The following PLBD1 variants were observed in gnomAD, a reference collection of about 807,000 sequenced individuals.
The protein encoded by PLBD1 is phospholipase B domain containing 1, also known as lysosomal leucine aminopeptidase.
Under a neutral mutation model 63.0 loss-of-function variants are expected in PLBD1, and 60 were observed. The observed-to-expected ratio is 0.95, with a 90% CI of 0.77 to 1.18. The LOEUF is 1.18. Ranked by LOEUF, PLBD1 falls within the 50% of genes most tolerant of loss-of-function variation. The pLI, the probability that PLBD1 is intolerant of heterozygous loss-of-function variation, is 0.00. For synonymous variants in PLBD1, 262 were observed against 248.0 expected, an observed-to-expected ratio of 1.06 and a Z score of -0.53; for missense variants, 598 against 677.9, an observed-to-expected ratio of 0.88 and a Z score of 1.31.
chr12:14,507,150 G>T (rs780166103), intron 8 of PLBD1, 32 bp from the exon 9 acceptor site: 1 of 1,491,846 alleles, frequency 6.7e-7, no homozygotes, highest in South Asian at 1.2e-5. Context: ...GTAAGGGAGG[G>T]ATTGACAGGG....
chr12:14,530,309 T>C (rs915893217), intron 6 of PLBD1: 1 of 152,190 alleles, frequency 6.6e-6, no homozygotes, highest in Non-Finnish European at 1.5e-5. Flanking sequence ...CCCTCAGTCA[T>C]TGAGTCTTCC....
At chr12:14,519,618 TA>T (rs77006344) in intron 6 of PLBD1, among the ~76,000 whole-genome samples, 1,722 of 115,462 alleles carry the variant, frequency 0.015, 7 homozygotes, top group Middle Eastern at 0.049. Context: ...GACATCATCT[TA>T]AAAAAAAAAA....
intron 6 of PLBD1, among the ~76,000 whole-genome samples, chr12:14,514,069 G>A (rs920402370): frequency 5.3e-5 from 8 of 152,116 alleles, no homozygotes; most frequent in East Asian, 1.9e-4. Flanking sequence ...GTGAGCCACC[G>A]TGCCCGGCCC....
intron 2 of PLBD1, among the ~76,000 whole-genome samples, chr12:14,550,845 T>A (rs529729252): frequency 3.3e-5 from 5 of 151,104 alleles, no homozygotes; most frequent in Admixed American, 2.6e-4. Flanking sequence ...GCCATCGCAC[T>A]CTAGCCTGGG....
At chr12:14,564,971 T>C (rs904944030) in intron 1 of PLBD1, among the ~76,000 whole-genome samples, 2 of 152,220 alleles carry the variant, frequency 1.3e-5, no homozygotes, top group Non-Finnish European at 2.9e-5. Flanking sequence ...CTGACTTCTC[T>C]ATACATACCA....
chr12:14,523,361 A>ATT (rs1945391709), intron 6 of PLBD1, among the ~76,000 whole-genome samples: 1 of 152,176 alleles, frequency 6.6e-6, no homozygotes, highest in Non-Finnish European at 1.5e-5. Context: ...AAGATATTCC[A>ATT]TGTTTACGGA....
intron 6 of PLBD1, among the ~76,000 whole-genome samples, chr12:14,523,512 A>C (rs1489871415): frequency 6.6e-6 from 1 of 152,218 alleles, no homozygotes; most frequent in African/African-American, 2.4e-5. Flanking sequence ...AAAGACCCCA[A>C]ATAGTCAAAG....
chr12:14,558,115 A>G (rs1246890013), intron 1 of PLBD1, among the ~76,000 whole-genome samples: 1 of 151,590 alleles, frequency 6.6e-6, no homozygotes, highest in Non-Finnish European at 1.5e-5. Flanking sequence ...ATACTAGAGC[A>G]TCATGGCACC....
At chr12:14,555,825 C>T (rs942536142) in intron 1 of PLBD1, among the ~76,000 whole-genome samples, 2 of 152,208 alleles carry the variant, frequency 1.3e-5, no homozygotes, top group African/African-American at 4.8e-5. Flanking sequence ...ATGACTTCCT[C>T]TACAAACTCA....
At chr12:14,540,131 T>TATATATAC (rs1405725053) in intron 4 of PLBD1, among the ~76,000 whole-genome samples, 2 of 137,696 alleles carry the variant, frequency 1.5e-5, no homozygotes, top group Non-Finnish European at 3.1e-5. Context: ...TATATATATA[T>TATATATAC]ACTGGCAAAA....
At chr12:14,559,510 G>C (rs2136934509) in intron 1 of PLBD1, among the ~76,000 whole-genome samples, 1 of 152,122 alleles carries the variant, frequency 6.6e-6, no homozygotes, top group East Asian at 1.9e-4. Context: ...AATAACTCAA[G>C]TAATTATGTT....
At chr12:14,538,057 A>C (rs994516677) in intron 4 of PLBD1, among the ~76,000 whole-genome samples, 1 of 152,076 alleles carries the variant, frequency 6.6e-6, no homozygotes, top group African/African-American at 2.4e-5. Flanking sequence ...TTTTAAAAAC[A>C]TACATGGTAG....
Position 14,535,760 on chromosome 12 carries a change from C to A in PLBD1, c.743G>T (p.Trp248Leu). Residue 248 changes from tryptophan to leucine, a missense_variant, in exon 6 of 11, where the codon TGG becomes TTG. By Grantham distance (61) the Trp-to-Leu change is moderately conservative (BLOSUM62 -2). Coordinates refer to ENST00000240617, the MANE Select transcript of PLBD1 (RefSeq NM_024829.6). ...FENILFAHSS[W>L]YTYAAMLRIY... The stretch of plus-strand genomic sequence containing the variant: ...CCTGAGCATGGCTGCATACGTGTAC[C>A]AGCTTGAGTGAGCAAAAAGGATGTT... 6.2e-7 allele frequency: 1 copy of A among 1,613,996 alleles called. No homozygotes were observed. Among genetic ancestry groups the A allele is most frequent in the Non-Finnish European group, 8.5e-7 (1 of 1,179,976 alleles).
Position 14,553,295 on chromosome 12 carries a change from C to A in PLBD1, c.233G>T (p.Gly78Val), listed in dbSNP as rs752099724. The stretch of plus-strand genomic sequence containing the variant: ...AGCTCTGATCTCCAGGATGCCCCAG[C>A]CTGTGGTTTTCACAGAGTTATTGTA... The part of the protein sequence containing the change: ...GFYNNSVKTT[G>V]WGILEIRAGY... The change falls in exon 2 of 11, where the codon GGC becomes GTC. Residue 78 changes from glycine (G) to valine (V), a missense_variant. By Grantham distance (109) the Gly-to-Val change is moderately radical. Transcript: ENST00000240617. 5.0e-6 allele frequency: 8 copies of A among 1,614,178 alleles called. No homozygotes were observed. Among genetic ancestry groups the A allele is most frequent in the South Asian group, 1.1e-5 (1 of 91,082 alleles).
In PLBD1 at chr12:14,540,837, G is replaced by C; in HGVS notation, c.485C>G (p.Thr162Arg). 6.2e-7 allele frequency: 1 copy of C among 1,611,166 alleles called. No homozygotes were observed. Among genetic ancestry groups the C allele is most frequent in the Non-Finnish European group, 8.5e-7 (1 of 1,178,010 alleles). ...ATCTATTTGTGCCATCACATAGCCT[G>C]TATGTCTCCAAAATGAATCAGTCTT... ...EYKTDSFWRHTGYVMAQIDGL... is the reference protein window; with the variant it reads ...EYKTDSFWRHRGYVMAQIDGL... Residue 162 changes from threonine (T) to arginine (R), a missense_variant, in exon 4 of 11, where the codon ACA becomes AGA. Coordinates refer to ENST00000240617, the MANE Select transcript of PLBD1 (RefSeq NM_024829.6).
chr12:14,567,803 C>T lies in PLBD1; in HGVS notation c.-107G>A. ...GGCCTACTCAGGGGCGCCGCCTCTC[C>T]GAGGTGGGGCGTCCTCAACTTTCCT... On this transcript the variant is annotated 5_prime_UTR_variant, in exon 1 of 11. Transcript: ENST00000240617. 7.6e-7 allele frequency: 1 copy of T among 1,310,224 alleles called. No individual in the cohort carries two copies. The highest frequency in any genetic ancestry group is 1.9e-5 in the South Asian group (1 of 54,000). 81.2% of individuals were successfully genotyped at this position (1,310,224 alleles called of 1,614,324 possible).
intron 1 of PLBD1, among the ~76,000 whole-genome samples, chr12:14,561,285 T>C (rs1420499945): frequency 2.0e-5 from 3 of 151,996 alleles, no homozygotes; most frequent in Non-Finnish European, 4.4e-5. Context: ...CTTCATCCCG[T>C]TGAAACATAC....
intron 10 of PLBD1, among the ~76,000 whole-genome samples, chr12:14,505,894 A>T (rs1945250759): frequency 6.6e-6 from 1 of 152,254 alleles, no homozygotes. Flanking sequence ...TATTCTTCAG[A>T]ACAACATATG....
chr12:14,518,823 A>G (rs989887567), intron 6 of PLBD1, among the ~76,000 whole-genome samples: 1 of 152,170 alleles, frequency 6.6e-6, no homozygotes, highest in Non-Finnish European at 1.5e-5. Context: ...GGTACCTAGG[A>G]AGCTCAAAGG....
Sources: gnomAD v4.1 joint callset for allele counts (sites outside exome capture counted in the v4.1 genomes callset) on GRCh38, gnomAD v4.1.1 for gene constraint, MANE v1.5 for transcripts, NCBI Gene and HGNC (gene_info 2026-07-23, HGNC 2026-07-21) for gene names.